ZNF184: variants seen among roughly 807,000 people sequenced by gnomAD.
ZNF184 encodes zinc finger protein 184.
In ZNF184, 16 loss-of-function variants were observed where a neutral mutation model predicts 54.4. The observed-to-expected ratio is 0.29, with a 90% CI of 0.20 to 0.45. The LOEUF (loss-of-function observed/expected upper bound fraction) is 0.45, where lower values mean the gene tolerates loss of function less well. Ranked by LOEUF, ZNF184 falls within the 20% of genes least tolerant of loss-of-function variation. The probability of loss-of-function intolerance (pLI) is 1.00; values close to 1 mark genes in which losing one functional copy is unlikely to be tolerated. For synonymous variants in ZNF184, 254 were observed against 295.3 expected, an observed-to-expected ratio of 0.86 and a Z score of 1.43; for missense variants, 681 against 888.2, an observed-to-expected ratio of 0.77 and a Z score of 2.97.
Position 27,451,238 on chromosome 6 carries a change from A to G in ZNF184, c.*65T>C, listed in dbSNP as rs1246594613. 6.7e-7 allele frequency: 1 copy of G among 1,499,886 alleles called. No homozygotes were observed. Among genetic ancestry groups the G allele is most frequent in the Non-Finnish European group, 8.9e-7 (1 of 1,121,424 alleles). 92.9% of individuals were successfully genotyped at this position (1,499,886 alleles called of 1,614,324 possible). ...GTTTCTAAATCCACTCTGATTCTTCAGTACTTAACAAAAGGACAAACTAAA... is the reference window on the plus strand; with the variant it reads ...GTTTCTAAATCCACTCTGATTCTTCGGTACTTAACAAAAGGACAAACTAAA... On this transcript the variant is annotated 3_prime_UTR_variant, in exon 6 of 6. Coordinates refer to ENST00000683788, the MANE Select transcript of ZNF184 (RefSeq NM_001318891.2).
chr6:27,418,951 T>C, the ZNF184 span, among the ~76,000 whole-genome samples: 2 of 152,188 alleles, frequency 1.3e-5, no homozygotes, highest in Admixed American at 6.5e-5. Flanking sequence ...TCTAGTGTCC[T>C]ATATTTTAAA....
At chr6:27,420,975 T>A in the ZNF184 span, among the ~76,000 whole-genome samples, 2 of 152,108 alleles carry the variant, frequency 1.3e-5, no homozygotes, top group African/African-American at 4.8e-5. Flanking sequence ...TATAAATATG[T>A]GAAAGAAGCT....
At chr6:27,407,319 G>A in the ZNF184 span, among the ~76,000 whole-genome samples, 1 of 152,146 alleles carries the variant, frequency 6.6e-6, no homozygotes, top group Non-Finnish European at 1.5e-5. Context: ...ACCCTGTCTC[G>A]GCTGCTTGAG....
At chr6:27,429,487 C>T in the ZNF184 span, among the ~76,000 whole-genome samples, 1 of 152,182 alleles carries the variant, frequency 6.6e-6, no homozygotes, top group Non-Finnish European at 1.5e-5. Context: ...TTGTGCTTAT[C>T]TTTTTCAGAT....
intron 3 of ZNF184, among the ~76,000 whole-genome samples, chr6:27,458,407 A>T (rs1305635085): frequency 6.6e-6 from 1 of 151,890 alleles, no homozygotes; most frequent in Non-Finnish European, 1.5e-5. Context: ...TCCAGAATAT[A>T]CTCAAATCAA....
the ZNF184 span, among the ~76,000 whole-genome samples, chr6:27,444,883 G>A: frequency 6.6e-6 from 1 of 151,986 alleles, no homozygotes; most frequent in Non-Finnish European, 1.5e-5. Context: ...ATATCCAACA[G>A]TCTTGATATC....
chr6:27,437,688 G>T, the ZNF184 span, among the ~76,000 whole-genome samples: 7 of 152,316 alleles, frequency 4.6e-5, no homozygotes, highest in East Asian at 1.3e-3. Flanking sequence ...CATCTGAACT[G>T]TCTTGACTTA....
In ZNF184 at chr6:27,451,247, C is replaced by G. The variant is rs1001789257; in HGVS notation, c.*56G>C. 1.2e-5 allele frequency: 18 copies of G among 1,517,360 alleles called. No individual in the cohort carries two copies. In the African/African-American group the frequency reaches 2.2e-4, roughly 19 times the overall value. The allele number at this position is 1,517,360 out of a possible 1,614,324, so 94.0% of individuals were successfully genotyped here. ...TCCACTCTGATTCTTCAGTACTTAA[C>G]AAAAGGACAAACTAAAGTAAATATC... On this transcript the variant is annotated 3_prime_UTR_variant, in exon 6 of 6. Transcript: ENST00000683788.
chr6:27,422,766 GCCCAAAC>G, the ZNF184 span, among the ~76,000 whole-genome samples: 201 of 152,132 alleles, frequency 1.3e-3, no homozygotes, highest in Non-Finnish European at 2.3e-3. Context: ...CCGCAGTATC[GCCCAAAC>G]CCGATACACT....
In ZNF184 at chr6:27,456,884, T is replaced by C; in HGVS notation, c.240A>G (p.Leu80=). 1.2e-6 allele frequency: 2 copies of C among 1,614,150 alleles called. No homozygotes were observed. Among genetic ancestry groups the C allele is most frequent in the South Asian group, 2.2e-5 (2 of 91,076 alleles). ...TGATCCATGGCTCTGTCCCTTGCTC[T>C]AACTGGGAAATCACATCAGGTTTAG... The part of the protein sequence containing the change: ...QVSKPDVISQ[L]EQGTEPWIME... The change falls in exon 5 of 6, where the codon TTA becomes TTG. Residue 80 remains leucine (L), a synonymous_variant. Transcript: ENST00000683788.
the ZNF184 span, among the ~76,000 whole-genome samples, chr6:27,421,467 AATC>A: frequency 2.6e-5 from 4 of 152,312 alleles, no homozygotes; most frequent in East Asian, 1.9e-4. Flanking sequence ...TCAAGGCAAT[AATC>A]ATCAAGGGAT....
chr6:27,407,781 T>C, the ZNF184 span: 117 of 776,284 alleles, frequency 1.5e-4, no homozygotes, highest in African/African-American at 1.7e-3. Context: ...GCAGCTCCAT[T>C]ACTTCAAAAT....
Position 27,467,557 on chromosome 6 carries a change from T to C in ZNF184, c.75+296A>G, listed in dbSNP as rs564173344. The stretch of plus-strand genomic sequence containing the variant: ...TTGCAGTGAGCGGAGATCACCACCA[T>C]TGCACTCCAGCCTGGGCGACAGAGG... On this transcript the variant is annotated intron_variant, in intron 3 of 5. Transcript: ENST00000683788. 5.3e-5 allele frequency among the ~76,000 whole-genome samples: 8 copies of C among 152,078 alleles called. No homozygotes were observed. The East Asian group carries it at 9.7e-4, about 18-fold the overall frequency.
At chr6:27,416,998 G>T in the ZNF184 span, among the ~76,000 whole-genome samples, 1 of 152,108 alleles carries the variant, frequency 6.6e-6, no homozygotes, top group African/African-American at 2.4e-5. Flanking sequence ...TTATCCTGCT[G>T]TGTCTGAGGG....
At chr6:27,457,048 T>C (rs1762873632) in intron 4 of ZNF184, 127 bp from the exon 5 acceptor site, 3 of 977,934 alleles carry the variant, frequency 3.1e-6, no homozygotes, top group Non-Finnish European at 4.5e-6. Flanking sequence ...GGATAGCATA[T>C]CAAGCTTTAG....
Position 27,453,121 on chromosome 6 carries a change from A to G in ZNF184, c.438T>C (p.Tyr146=), listed in dbSNP as rs1353609849. Reference sequence around the variant, plus strand: ...CCTGCTGTCTCTCTAAACTGCCTTCATATTCCCAACTTTCTAGCAAGTTGG... The same window carrying G: ...CCTGCTGTCTCTCTAAACTGCCTTCGTATTCCCAACTTTCTAGCAAGTTGG... ...WSSNLLESWE[Y]EGSLERQQAN... Residue 146 remains tyrosine, a synonymous_variant, in exon 6 of 6, where the codon TAT becomes TAC. Coordinates refer to ENST00000683788, the MANE Select transcript of ZNF184 (RefSeq NM_001318891.2). The surrounding 1 kb of genome is among the most constrained non-coding windows in gnomAD (Gnocchi z 4.7). The G allele has an allele frequency of 1.2e-6, 2 of 1,614,058 alleles. No individual in the cohort carries two copies. Among genetic ancestry groups the G allele is most frequent in the Admixed American group, 3.3e-5 (2 of 60,020 alleles).
the ZNF184 span, chr6:27,405,894 C>G: frequency 1.3e-5 from 2 of 152,154 alleles, no homozygotes; most frequent in South Asian, 4.1e-4. Context: ...AGGCCCTAGC[C>G]AACTCTATTG....
chr6:27,426,911 A>G, the ZNF184 span, among the ~76,000 whole-genome samples: 2 of 152,190 alleles, frequency 1.3e-5, no homozygotes, highest in African/African-American at 4.8e-5. This position sits in a 1 kb window ranked among gnomAD's most constrained non-coding sequence, Gnocchi z 4.2. Context: ...ATGACAACAT[A>G]GTCTTTGTCA....
Position 27,453,377 on chromosome 6 carries a change from AATATATAGCCATATT to A in ZNF184, c.299-132_299-118del, listed in dbSNP as rs748714580. On this transcript the variant is annotated intron_variant, in intron 5 of 5. Transcript: ENST00000683788. This position sits in a 1 kb window ranked among gnomAD's most constrained non-coding sequence, Gnocchi z 4.7. Reference sequence around the variant, plus strand: ...TCTCAGAAAATTCTAATGGTTTTCAAATATATAGCCATATTATTTGGGGAGAAAGTTGGAAGGAGC... The same window carrying A: ...TCTCAGAAAATTCTAATGGTTTTCAAATTTGGGGAGAAAGTTGGAAGGAGC... 199 of 1,058,706 alleles carry A rather than the reference AATATATAGCCATATT, an allele frequency of 1.9e-4. No homozygotes were observed. The highest frequency in any genetic ancestry group is 7.7e-4 in the Middle Eastern group (3 of 3,916). 65.6% of individuals were successfully genotyped at this position (1,058,706 alleles called of 1,614,324 possible). A position where few individuals can be genotyped will look rare whatever the true frequency, so the allele number is the denominator to read the frequency against.
Sources: gnomAD v4.1 joint callset for allele counts (sites outside exome capture counted in the v4.1 genomes callset) on GRCh38, gnomAD v4.1.1 for gene constraint, Gnocchi (gnomAD v3.1) non-coding constraint, MANE v1.5 for transcripts, NCBI Gene and HGNC (gene_info 2026-07-23, HGNC 2026-07-21) for gene names.